NPAS2: variants seen among roughly 807,000 people sequenced by gnomAD.
NPAS2 encodes the protein neuronal PAS domain-containing protein 2.
A neutral mutation model predicts 107.5 loss-of-function variants in NPAS2; 23 were observed. The observed-to-expected ratio is 0.21, with a 90% CI of 0.15 to 0.30. NPAS2 has a LOEUF of 0.30. Ranked by LOEUF, NPAS2 falls within the 10% of genes least tolerant of loss-of-function variation. The pLI is 1.00. For synonymous variants in NPAS2, 403 were observed against 417.5 expected (o/e 0.97, Z 0.42); for missense variants, 756 against 1,043.3 (o/e 0.72, Z 3.79).
intron 19 of NPAS2, among the ~76,000 whole-genome samples, chr2:100,991,558 G>C (rs1678131263): frequency 6.6e-6 from 1 of 152,206 alleles, no homozygotes; most frequent in Middle Eastern, 3.2e-3. Flanking sequence ...ATGCCCTCAT[G>C]TAGAAGCCTC....
At chr2:100,819,885 C>A (rs1675957576), upstream of NPAS2, among the ~76,000 whole-genome samples, 1 of 152,036 alleles carries the variant, frequency 6.6e-6, no homozygotes, top group Non-Finnish European at 1.5e-5. The surrounding 1 kb of genome is among the most constrained non-coding windows in gnomAD (Gnocchi z 5.8). Context: ...GAGGCTGCGG[C>A]GGCCTGGGGA....
intron 16 of NPAS2, chr2:100,987,366 C>T (rs1159017248): frequency 6.6e-6 from 1 of 152,234 alleles, no homozygotes; most frequent in Non-Finnish European, 1.5e-5. Context: ...TTTTAAATGT[C>T]TCTGAGACAC....
chr2:100,972,291 A>G (rs1676630398), intron 12 of NPAS2, among the ~76,000 whole-genome samples: 2 of 152,168 alleles, frequency 1.3e-5, no homozygotes, highest in African/African-American at 4.8e-5. Flanking sequence ...CTGCCAACCA[A>G]TCTCTGAAAC....
chr2:100,883,458 G>A (rs547999821), intron 1 of NPAS2, among the ~76,000 whole-genome samples: 10 of 152,258 alleles, frequency 6.6e-5, no homozygotes, highest in East Asian at 1.9e-4. Flanking sequence ...AGCCACACAC[G>A]GTAGCAGCAT....
In NPAS2 at chr2:100,977,784, C is replaced by T. The variant is rs370083685; in HGVS notation, c.1467C>T (p.Pro489=). The T allele has an allele frequency of 8.7e-6, 14 of 1,613,940 alleles. No individual in the cohort carries two copies. The highest frequency in any genetic ancestry group is 2.7e-5 in the African/African-American group (2 of 74,940). Residue 489 remains proline (P), a synonymous_variant, in exon 15 of 21, where the codon CCC becomes CCT. Coordinates refer to ENST00000335681, the MANE Select transcript of NPAS2 (RefSeq NM_002518.4). ...CTCAGACCGTTCTGCAGAGCACGCCCGCTCCCATGGCACAGGTGAGTCTGG... is the reference window on the plus strand; with the variant it reads ...CTCAGACCGTTCTGCAGAGCACGCCTGCTCCCATGGCACAGGTGAGTCTGG... ...LLPQTVLQST[P]APMAQFSAQF...
chr2:100,871,182 C>T (rs1679559875), intron 1 of NPAS2, among the ~76,000 whole-genome samples: 1 of 152,188 alleles, frequency 6.6e-6, no homozygotes, highest in African/African-American at 2.4e-5. Context: ...CACAGCCACA[C>T]CCGTTCATAT....
intron 1 of NPAS2, among the ~76,000 whole-genome samples, chr2:100,900,698 T>G (rs1334255176): frequency 1.3e-5 from 2 of 152,220 alleles, no homozygotes; most frequent in African/African-American, 2.4e-5. Context: ...GTTTTTCTTT[T>G]GTAATTAATA....
chr2:100,821,313 TC>T, intron 1 of NPAS2: 1 of 901,808 alleles, frequency 1.1e-6, no homozygotes, highest in Non-Finnish European at 1.5e-6. Context: ...GTCTAAACAC[TC>T]CCGAGCTTGT....
chr2:100,856,502 G>C (rs1678562495), intron 1 of NPAS2, among the ~76,000 whole-genome samples: 1 of 152,152 alleles, frequency 6.6e-6, no homozygotes, highest in Admixed American at 6.5e-5. Context: ...CTAATTGGAA[G>C]TAAATTAGTA....
chr2:100,939,734 C>T (rs1674466942), intron 5 of NPAS2, among the ~76,000 whole-genome samples: 1 of 152,212 alleles, frequency 6.6e-6, no homozygotes, highest in Admixed American at 6.5e-5. Context: ...AGGATTTGCA[C>T]TGTTCTGCTT....
At chr2:100,836,230 A>G (rs1050725122) in intron 1 of NPAS2, among the ~76,000 whole-genome samples, 10 of 152,126 alleles carry the variant, frequency 6.6e-5, no homozygotes, top group Admixed American at 1.3e-4. Flanking sequence ...TGACATACAT[A>G]TACACACACA....
rs1450305535 is a variant in NPAS2 at position 100,995,421 on chromosome 2, C to T, written c.2314C>T (p.His772Tyr). 1 of 1,613,520 alleles carries T rather than the reference C, an allele frequency of 6.2e-7. No individual in the cohort carries two copies. The highest frequency in any genetic ancestry group is 1.1e-5 in the South Asian group (1 of 90,992). Residue 772 changes from histidine (H) to tyrosine (Y), a missense_variant, in exon 21 of 21, where the codon CAC becomes TAC. This residue lies in a region of NPAS2 where 496 missense variants were observed against 594.4 expected (regional missense o/e 0.83). Coordinates refer to ENST00000335681, the MANE Select transcript of NPAS2 (RefSeq NM_002518.4). Reference sequence around the variant, plus strand: ...CTAGGTACAGGCACCAACCTCTTTGCACAGTGAGCAGCAGGACTCGCTACT... The same window carrying T: ...CTAGGTACAGGCACCAACCTCTTTGTACAGTGAGCAGCAGGACTCGCTACT... Reference protein sequence around the residue: ...YLQVQAPTSLHSEQQDSLLLS... With the variant: ...YLQVQAPTSLYSEQQDSLLLS...
At position 100,857,658 on chromosome 2, in the gene NPAS2, C is replaced by T. The variant is rs12611460; in HGVS notation, c.-23+37244C>T. ...AAGAGTGGGAGCCTGGCCAAGTCTC[C>T]GCAAATGGGTGGCGTGAAAACACGC... On this transcript the variant is annotated intron_variant, in intron 1 of 20. Coordinates refer to ENST00000335681, the MANE Select transcript of NPAS2 (RefSeq NM_002518.4). Among the ~76,000 whole-genome samples, 900 of 152,334 alleles carry T rather than the reference C, an allele frequency of 5.9e-3. 52 individuals carry two copies. In the East Asian group the frequency reaches 0.14, roughly 23 times the overall value.
chr2:100,852,565 A>G (rs1373388664), intron 1 of NPAS2, among the ~76,000 whole-genome samples: 1 of 152,184 alleles, frequency 6.6e-6, no homozygotes, highest in Non-Finnish European at 1.5e-5. Flanking sequence ...TGGCTAGCAC[A>G]GCATACCCCA....
chr2:100,945,342 A>G (rs1674822661), intron 5 of NPAS2, among the ~76,000 whole-genome samples: 1 of 152,074 alleles, frequency 6.6e-6, no homozygotes, highest in South Asian at 2.1e-4. Flanking sequence ...CCCATGCCCA[A>G]CAGCGGCTGG....
intron 1 of NPAS2, among the ~76,000 whole-genome samples, chr2:100,862,483 G>T (rs899813803): frequency 6.6e-6 from 1 of 152,090 alleles, no homozygotes; most frequent in Non-Finnish European, 1.5e-5. Flanking sequence ...TCAAATCAAG[G>T]GCTGGTATTA....
chr2:100,879,195 G>C (rs1440948587), intron 1 of NPAS2, among the ~76,000 whole-genome samples: 1 of 151,736 alleles, frequency 6.6e-6, no homozygotes, highest in Admixed American at 6.6e-5. Flanking sequence ...TGCTAAACAT[G>C]AATCATTTGC....
rs780297955 is a variant in NPAS2 at position 100,990,390 on chromosome 2, C to G, written c.1962C>G (p.Ser654=). ...ATCTGACCACACCTGCTTCCACCTC[C>G]CAGGATGCCAGCCAGTGCCAGCCCA... ...SLNLTTPAST[S]QDASQCQPSP... The change falls in exon 18 of 21, where the codon TCC becomes TCG. Residue 654 remains serine, a synonymous_variant. Transcript: ENST00000335681. The G allele has an allele frequency of 6.2e-7, 1 of 1,614,196 alleles. No individual in the cohort carries two copies. The highest frequency in any genetic ancestry group is 1.1e-5 in the South Asian group (1 of 91,086).
intron 1 of NPAS2, among the ~76,000 whole-genome samples, chr2:100,886,318 A>G (rs1055484651): frequency 1.3e-5 from 2 of 152,218 alleles, no homozygotes; most frequent in Non-Finnish European, 2.9e-5. Context: ...AAGGTCTCCT[A>G]TCCAGCAACC....
Sources: allele counts gnomAD v4.1 joint callset (sites outside exome capture counted in the v4.1 genomes callset), GRCh38; gene constraint gnomAD v4.1.1; regional missense constraint gnomAD v4.1.1; non-coding constraint Gnocchi (gnomAD v3.1); transcripts MANE v1.5; gene names NCBI Gene and HGNC (gene_info 2026-07-23, HGNC 2026-07-21).